Variants in TNFRSF14 observed in about 807,000 individuals in gnomAD.
TNFRSF14 encodes the protein TNF receptor superfamily member 14.
TNFRSF14 carries 18 observed loss-of-function variants against 34.1 expected under a neutral mutation model. The ratio of observed to expected loss-of-function variants is 0.53; its 90% CI spans 0.36 to 0.78. TNFRSF14 has a LOEUF of 0.78. TNFRSF14 is among the 30% of genes least tolerant of loss of function. The pLI, the probability that TNFRSF14 is intolerant of heterozygous loss-of-function variation, is 0.00. For missense variants in TNFRSF14, 352 were observed against 379.5 expected, an observed-to-expected ratio of 0.93 and a Z score of 0.60; for synonymous variants, 157 against 153.2, an observed-to-expected ratio of 1.02 and a Z score of -0.18.
At chr1:2,562,065 C>G (rs1047208360) in intron 6 of TNFRSF14, 3 of 565,802 alleles carry the variant, frequency 5.3e-6, no homozygotes, top group East Asian at 2.9e-5. Context: ...CCCACGCACT[C>G]TATGACCCTG....
chr1:2,558,918 C>T (rs1259668970), intron 3 of TNFRSF14: 6 of 1,363,180 alleles, frequency 4.4e-6, no homozygotes, highest in Admixed American at 4.4e-5. Flanking sequence ...GAAGAGGTCA[C>T]CTGGAGGCTG....
chr1:2,559,158 G>A (rs1014385341), intron 3 of TNFRSF14: 2 of 1,365,082 alleles, frequency 1.5e-6, no homozygotes, highest in Admixed American at 2.2e-5. Context: ...CACAGGGCAG[G>A]TGGGCTAGCC....
In TNFRSF14 at chr1:2,557,731, G is replaced by A. The variant is rs1396361117; in HGVS notation, c.75G>A (p.Leu25=). ...GCCTGTCCTGACCCCCTTAGGTGCT[G>A]TATCTCACCTTCCTGGGAGCCCCCT... The part of the protein sequence containing the change: ...TPKTDVLRLV[L]YLTFLGAPCY... The change falls in exon 2 of 8, where the codon CTG becomes CTA. Residue 25 remains leucine, a synonymous_variant. Transcript: ENST00000355716. The A allele has an allele frequency of 2.5e-6, 4 of 1,607,024 alleles. No individual in the cohort carries two copies. Among genetic ancestry groups the A allele is most frequent in the Non-Finnish European group, 3.4e-6 (4 of 1,176,538 alleles).
chr1:2,559,232 C>A lies in TNFRSF14; in HGVS notation c.305-591C>A, dbSNP rs185391280. 8 of 1,370,018 alleles carry A rather than the reference C, an allele frequency of 5.8e-6. No homozygotes were observed. The East Asian group carries it at 2.7e-4, about 47-fold the overall frequency. 84.9% of individuals were successfully genotyped at this position (1,370,018 alleles called of 1,614,324 possible). ...TGCATGTAGGCTGGGATTTGGGGCT[C>A]ACACCTCAACCTGCATGCCCAGTTC... On this transcript the variant is annotated intron_variant, in intron 3 of 7. Coordinates refer to ENST00000355716, the MANE Select transcript of TNFRSF14 (RefSeq NM_003820.4).
chr1:2,556,624 C>T lies in TNFRSF14; in HGVS notation c.-41C>T, dbSNP rs1167748860. ...CTGAGTTCCTCTGCTGGAGTTCATC[C>T]TGCTAGCTGGGTTCCCGAGCTGCCG... On this transcript the variant is annotated 5_prime_UTR_variant, in exon 1 of 8. Transcript: ENST00000355716. 1.3e-6 allele frequency: 2 copies of T among 1,593,904 alleles called. No individual in the cohort carries two copies. Among genetic ancestry groups the T allele is most frequent in the Non-Finnish European group, 1.7e-6 (2 of 1,167,818 alleles).
intron 3 of TNFRSF14, chr1:2,558,948 C>T (rs1364625721): frequency 7.3e-7 from 1 of 1,365,700 alleles, no homozygotes; most frequent in Non-Finnish European, 9.7e-7. Flanking sequence ...TGAGTCCAGG[C>T]AGACAGAAAG....
chr1:2,558,645 C>T (rs1210247132), intron 3 of TNFRSF14, 177 bp downstream of exon 3: 4 of 1,263,804 alleles, frequency 3.2e-6, no homozygotes, highest in Middle Eastern at 2.7e-4. Context: ...CAGCCTCCGG[C>T]CCCCGTCCAC....
chr1:2,560,129 C>T, intron 4 of TNFRSF14, 151 bp downstream of exon 4: 2 of 1,264,826 alleles, frequency 1.6e-6, no homozygotes, highest in South Asian at 3.1e-5. Context: ...CCACTTCAGC[C>T]CTGTCCTGGA....
At chr1:2,557,085 A>C (rs887369433) in intron 1 of TNFRSF14, 1 of 325,942 alleles carries the variant, frequency 3.1e-6, no homozygotes, top group African/African-American at 2.1e-5. Context: ...CAGGTGACCC[A>C]ACTCCCCGGC....
upstream of TNFRSF14, chr1:2,556,274 A>G: frequency 1.8e-6 from 1 of 545,182 alleles, no homozygotes. Flanking sequence ...GGGGAAACAC[A>G]GATGGACTTT....
At chr1:2,557,376 G>A (rs1038616471) in intron 1 of TNFRSF14, among the ~76,000 whole-genome samples, 1 of 152,216 alleles carries the variant, frequency 6.6e-6, no homozygotes, top group Non-Finnish European at 1.5e-5. Context: ...GGGGTCAGCA[G>A]GTCCAACCTA....
chr1:2,558,024 C>G (rs1254076586), intron 2 of TNFRSF14, among the ~76,000 whole-genome samples, 190 bp downstream of exon 2: 2 of 152,198 alleles, frequency 1.3e-5, no homozygotes, highest in East Asian at 3.9e-4. Flanking sequence ...CTGGGGGACC[C>G]TCACAGTCAC....
intron 1 of TNFRSF14, 111 bp from the exon 2 acceptor site, chr1:2,557,615 C>T: frequency 1.3e-6 from 1 of 768,616 alleles, no homozygotes; most frequent in Non-Finnish European, 2.0e-6. Context: ...CTCTACCAGG[C>T]ACTGCCGCTC....
Position 2,559,925 on chromosome 1 carries a change from C to T in TNFRSF14, c.407C>T (p.Ala136Val), listed in dbSNP as rs2100853305. ...FCIVQDGDHC[A>V]ACRAYATSSP... ...ATCGTCCAGGACGGGGACCACTGCG[C>T]CGCGTGCCGCGCTTACGCCACCTCC... The change falls in exon 4 of 8, where the codon GCC (alanine) becomes GTC (valine). Residue 136 changes from alanine to valine, a missense_variant. Coordinates refer to ENST00000355716, the MANE Select transcript of TNFRSF14 (RefSeq NM_003820.4). The T allele has an allele frequency of 6.3e-7, 1 of 1,599,816 alleles. No individual in the cohort carries two copies. Among genetic ancestry groups the T allele is most frequent in the Non-Finnish European group, 8.5e-7 (1 of 1,173,622 alleles).
In TNFRSF14 at chr1:2,556,559, C is replaced by T. The variant is rs774960423; in HGVS notation, c.-106C>T. 5.2e-6 allele frequency: 6 copies of T among 1,159,132 alleles called. No individual in the cohort carries two copies. The South Asian group carries it at 7.9e-5, about 15-fold the overall frequency. The allele number at this position is 1,159,132 out of a possible 1,614,324, so 71.8% of individuals were successfully genotyped here. A position where few individuals can be genotyped will look rare whatever the true frequency, so the allele number is the denominator to read the frequency against. On this transcript the variant is annotated 5_prime_UTR_variant, in exon 1 of 8. Coordinates refer to ENST00000355716, the MANE Select transcript of TNFRSF14 (RefSeq NM_003820.4). ...TCACACCGAGGCGGATTCTCTTTCTCTTTCTCTTTCTCTTCTGGCCCACAG... is the reference window on the plus strand; with the variant it reads ...TCACACCGAGGCGGATTCTCTTTCTTTTTCTCTTTCTCTTCTGGCCCACAG...
Position 2,561,358 on chromosome 1 carries a change from G to A in TNFRSF14, c.552-315G>A. 1 of 790,302 alleles carries A rather than the reference G, an allele frequency of 1.3e-6. No homozygotes were observed. 49.0% of individuals were successfully genotyped at this position (790,302 alleles called of 1,614,324 possible). A position where few individuals can be genotyped will look rare whatever the true frequency, so the allele number is the denominator to read the frequency against. On this transcript the variant is annotated intron_variant, in intron 5 of 7. Coordinates refer to ENST00000355716, the MANE Select transcript of TNFRSF14 (RefSeq NM_003820.4). The surrounding 1 kb of genome is among the most constrained non-coding windows in gnomAD (Gnocchi z 6.0). The stretch of plus-strand genomic sequence containing the variant: ...CTACCTTCTGTCCTTGTCTGCCACT[G>A]GTCTCCCGTGCTCTGGGGTCTCTGC...
Position 2,561,967 on chromosome 1 carries a change from C to A in TNFRSF14, c.694+152C>A. ...CTGCAGGCTGGGGCAGGTGGGCTTT[C>A]TGCTGTGGCCAGAGCCCAGGTGTCA... On this transcript the variant is annotated intron_variant, in intron 6 of 7. Coordinates refer to ENST00000355716, the MANE Select transcript of TNFRSF14 (RefSeq NM_003820.4). The surrounding 1 kb of genome is among the most constrained non-coding windows in gnomAD (Gnocchi z 6.0). 1 of 857,434 alleles carries A rather than the reference C, an allele frequency of 1.2e-6. No homozygotes were observed. The allele number at this position is 857,434 out of a possible 1,614,324, so 53.1% of individuals were successfully genotyped here. A position where few individuals can be genotyped will look rare whatever the true frequency, so the allele number is the denominator to read the frequency against.
intron 1 of TNFRSF14, among the ~76,000 whole-genome samples, chr1:2,557,211 A>C (rs1304850429): frequency 6.6e-6 from 1 of 152,292 alleles, no homozygotes; most frequent in Admixed American, 6.5e-5. Flanking sequence ...TCCAGCCACT[A>C]TCCCCATCAG....
chr1:2,563,168 A>G lies in TNFRSF14; in HGVS notation c.747A>G (p.Glu249=), dbSNP rs570033370. The part of the protein sequence containing the change: ...VSVQRKRQEA[E]GEATVIEALQ... ...CACAGCGGAAAAGACAGGAGGCAGA[A>G]GGTGAGGCCACAGTCATTGAGGCCC... Residue 249 remains glutamate (E), a synonymous_variant, in exon 8 of 8, where the codon GAA becomes GAG. Coordinates refer to ENST00000355716, the MANE Select transcript of TNFRSF14 (RefSeq NM_003820.4). The G allele has an allele frequency of 1.2e-6, 2 of 1,613,478 alleles. No homozygotes were observed. Among genetic ancestry groups the G allele is most frequent in the Admixed American group, 1.7e-5 (1 of 60,022 alleles).
Sources: allele counts gnomAD v4.1 joint callset (sites outside exome capture counted in the v4.1 genomes callset), GRCh38; gene constraint gnomAD v4.1.1; non-coding constraint Gnocchi (gnomAD v3.1); transcripts MANE v1.5; gene names NCBI Gene and HGNC (gene_info 2026-07-23, HGNC 2026-07-21).